The following DMD variants were observed in gnomAD, a reference collection of about 807,000 sequenced individuals.
DMD encodes dystrophin.
Under a neutral mutation model 330.1 loss-of-function variants are expected in DMD, and 63 were observed. The observed-to-expected ratio is 0.19, with a 90% confidence interval of 0.16 to 0.24. The LOEUF (loss-of-function observed/expected upper bound fraction) is 0.24. DMD is among the 10% of genes least tolerant of loss of function. The pLI is 1.00. For missense variants in DMD, 3,344 were observed against 2,684.1 expected, an observed-to-expected ratio of 1.25 and a Z score of -5.43; for synonymous variants, 1,223 against 959.8, an observed-to-expected ratio of 1.27 and a Z score of -5.07.
At chrX:32,592,522 C>A (rs1307090757) in intron 13 of DMD, among the ~76,000 whole-genome samples, 1 of 111,315 alleles carries the variant, frequency 9.0e-6, no homozygotes, top group East Asian at 2.8e-4. Context: ...AAGGAGCTAC[C>A]CACCGTGGTA....
intron 74 of DMD, among the ~76,000 whole-genome samples, chrX:31,157,847 A>C (rs994487834): frequency 5.7e-5 from 6 of 104,358 alleles, no homozygotes; most frequent in African/African-American, 2.1e-4. Context: ...TCTGTCACCC[A>C]GGCTGGAGTG....
intron 59 of DMD, among the ~76,000 whole-genome samples, chrX:31,467,063 G>A (rs1386720778): frequency 8.9e-6 from 1 of 111,822 alleles, no homozygotes; most frequent in African/African-American, 3.3e-5. Flanking sequence ...GAAGATTTTG[G>A]GTTGAGACGA....
chrX:31,717,120 T>TAA (rs2148944405), intron 52 of DMD, among the ~76,000 whole-genome samples: 2 of 111,797 alleles, frequency 1.8e-5, no homozygotes, highest in Non-Finnish European at 3.8e-5. Context: ...TATATATGTA[T>TAA]AAGAGTTCCT....
At chrX:32,548,109 G>A (rs2049157302) in intron 16 of DMD, among the ~76,000 whole-genome samples, 1 of 111,337 alleles carries the variant, frequency 9.0e-6, no homozygotes, top group Admixed American at 9.6e-5. Context: ...CTAAAACTGT[G>A]TAAGTTATTC....
intron 2 of DMD, among the ~76,000 whole-genome samples, chrX:32,854,389 G>T (rs966624227): frequency 9.0e-6 from 1 of 111,045 alleles, no homozygotes; most frequent in African/African-American, 3.3e-5. Flanking sequence ...GAGGAATTTT[G>T]AAAATTATAC....
intron 9 of DMD, among the ~76,000 whole-genome samples, chrX:32,690,425 G>C (rs1178472107): frequency 9.0e-6 from 1 of 111,199 alleles, no homozygotes; most frequent in Non-Finnish European, 1.9e-5. Flanking sequence ...TACATTCAAA[G>C]AAATCTACAG....
intron 42 of DMD, among the ~76,000 whole-genome samples, chrX:32,300,882 T>C (rs778613157): frequency 6.3e-5 from 7 of 110,862 alleles, no homozygotes; most frequent in Admixed American, 5.8e-4. Context: ...TGGAATATGC[T>C]TTTTTAAAAT....
At chrX:32,163,882 G>GT (rs1242157326) in intron 44 of DMD, among the ~76,000 whole-genome samples, 1 of 111,418 alleles carries the variant, frequency 9.0e-6, no homozygotes, top group Non-Finnish European at 1.9e-5. Context: ...GCAACTTCCT[G>GT]TAAGTGTATA....
Position 32,362,951 on chromosome X carries a change from T to G in DMD, c.5162A>C (p.Lys1721Thr). Residue 1721 changes from lysine to threonine, a missense_variant, in exon 37 of 79, where the codon AAG (lysine) becomes ACG (threonine). Transcript: ENST00000357033. ...QQKEDVLKRL[K>T]AELNDIRPKV... ...TGGGCGTATGTCATTCAGTTCTGCC[T>G]TTAAACGCTATATTCCATGAGCAAG... 8.3e-7 allele frequency: 1 copy of G among 1,208,721 alleles called. No homozygotes were observed. Among genetic ancestry groups the G allele is most frequent in the Non-Finnish European group, 1.1e-6 (1 of 893,641 alleles).
intron 30 of DMD, among the ~76,000 whole-genome samples, chrX:32,406,052 T>C (rs763092428): frequency 9.0e-6 from 1 of 111,552 alleles, no homozygotes; most frequent in South Asian, 3.8e-4. Flanking sequence ...GGCTCTCTGT[T>C]TGTCTGTTAT....
chrX:31,482,680 G>C (rs1023358807), intron 57 of DMD, among the ~76,000 whole-genome samples: 10 of 111,736 alleles, frequency 8.9e-5, no homozygotes, highest in Admixed American at 8.6e-4. Flanking sequence ...AGAAGGAGTA[G>C]GTATTTCAAG....
chrX:32,591,770 C>T (rs1418879459), intron 13 of DMD, among the ~76,000 whole-genome samples: 4 of 112,837 alleles, frequency 3.5e-5, no homozygotes, highest in African/African-American at 1.3e-4. Flanking sequence ...GCTGCAGCCA[C>T]CCAGCCACAG....
At chrX:32,765,852 T>C (rs923093545) in intron 7 of DMD, among the ~76,000 whole-genome samples, 5 of 112,059 alleles carry the variant, frequency 4.5e-5, no homozygotes, top group Admixed American at 9.5e-5. Context: ...TTGGCCACGT[T>C]TACTTCCTGA....
At chrX:32,464,496 C>T (rs1200675592) in intron 24 of DMD, 90 bp downstream of exon 24, 1 of 721,825 alleles carries the variant, frequency 1.4e-6, no homozygotes, top group South Asian at 2.2e-5. Context: ...GAGAGGAGAG[C>T]AAAATCCACC....
At chrX:33,274,854 C>T (rs1195848292) in intron 1 of DMD, among the ~76,000 whole-genome samples, 3 of 111,085 alleles carry the variant, frequency 2.7e-5, no homozygotes, top group Non-Finnish European at 5.7e-5. Flanking sequence ...TTTTTCCAAA[C>T]GTTTATAACA....
At chrX:32,124,100 T>A (rs2096650584) in intron 44 of DMD, among the ~76,000 whole-genome samples, 2 of 112,075 alleles carry the variant, frequency 1.8e-5, no homozygotes, top group East Asian at 5.6e-4. Flanking sequence ...GTATACTCAA[T>A]GCTGGAAATA....
intron 1 of DMD, among the ~76,000 whole-genome samples, chrX:33,045,701 G>A (rs970271031): frequency 1.8e-5 from 2 of 111,069 alleles, no homozygotes; most frequent in African/African-American, 6.6e-5. Context: ...CAAATAAGAG[G>A]AACATTATAA....
chrX:31,928,528 C>T (rs1333603955), intron 47 of DMD, among the ~76,000 whole-genome samples: 1 of 109,952 alleles, frequency 9.1e-6, no homozygotes. Flanking sequence ...ACCACTTGAA[C>T]CTGGGAGGCG....
At chrX:31,397,794 G>A (rs1053260657) in intron 60 of DMD, among the ~76,000 whole-genome samples, 2 of 112,138 alleles carry the variant, frequency 1.8e-5, no homozygotes, top group African/African-American at 3.2e-5. Flanking sequence ...CAACGGAGAT[G>A]TGAAATTTGG....
Sources: gnomAD v4.1 joint callset for allele counts (sites outside exome capture counted in the v4.1 genomes callset) on GRCh38, gnomAD v4.1.1 for gene constraint, MANE v1.5 for transcripts, NCBI Gene and HGNC (gene_info 2026-07-23, HGNC 2026-07-21) for gene names.